Variants in TMTC2 observed in about 807,000 individuals in gnomAD.
TMTC2 encodes transmembrane O-mannosyltransferase targeting cadherins 2, also known as protein O-mannosyl-transferase TMTC2.
A neutral mutation model predicts 82.4 loss-of-function variants in TMTC2; 43 were observed. The ratio of observed to expected loss-of-function variants is 0.52; its 90% CI spans 0.41 to 0.67. The LOEUF (loss-of-function observed/expected upper bound fraction) is 0.67. Ranked by LOEUF, TMTC2 falls within the 30% of genes least tolerant of loss-of-function variation. The pLI is 0.00. For synonymous variants in TMTC2, 408 were observed against 381.9 expected, an observed-to-expected ratio of 1.07 and a Z score of -0.80; for missense variants, 919 against 1,012.4, an observed-to-expected ratio of 0.91 and a Z score of 1.25.
chr12:83,025,612 C>G (rs904005753), intron 8 of TMTC2, among the ~76,000 whole-genome samples: 3 of 152,110 alleles, frequency 2.0e-5, no homozygotes, highest in African/African-American at 7.2e-5. Flanking sequence ...AGAGTTAGTG[C>G]AGACCTCACA....
At chr12:82,899,761 TATATGTGGAATATATATATAAGAATAC>T (rs1873886603) in intron 3 of TMTC2, among the ~76,000 whole-genome samples, 4 of 145,086 alleles carry the variant, frequency 2.8e-5, no homozygotes, top group Admixed American at 7.1e-5. Context: ...TATAAGAATA[TATATGTGGAATATATATATAAGAATAC>T]ATATATAGGA....
chr12:82,810,736 A>T (rs1414963817), intron 1 of TMTC2, among the ~76,000 whole-genome samples: 3 of 152,102 alleles, frequency 2.0e-5, no homozygotes, highest in Admixed American at 2.0e-4. Context: ...AGGTAATTGA[A>T]TCATGGGGCT....
chr12:82,997,198 CCCCTCT>C (rs1420984673), intron 8 of TMTC2, among the ~76,000 whole-genome samples: 10 of 127,396 alleles, frequency 7.8e-5, no homozygotes, highest in Non-Finnish European at 1.5e-4. Flanking sequence ...CCTCTCCCTC[CCCCTCT>C]CCCTCTCTCT....
At chr12:83,064,265 C>T (rs1448589078) in intron 11 of TMTC2, among the ~76,000 whole-genome samples, 1 of 151,838 alleles carries the variant, frequency 6.6e-6, no homozygotes, top group Non-Finnish European at 1.5e-5. Context: ...AGACTTGAGT[C>T]TGATTTGTGA....
intron 11 of TMTC2, among the ~76,000 whole-genome samples, chr12:83,088,318 G>A (rs952212182): frequency 1.3e-5 from 2 of 151,842 alleles, no homozygotes; most frequent in African/African-American, 4.8e-5. Flanking sequence ...TCTTTTTTTT[G>A]TATCAGCAAT....
chr12:83,080,015 ACTAGAAACATGTGCGTG>A, intron 11 of TMTC2, among the ~76,000 whole-genome samples: 1 of 152,166 alleles, frequency 6.6e-6, no homozygotes, highest in African/African-American at 2.4e-5. Flanking sequence ...GGAAAACTTT[ACTAGAAACATGTGCGTG>A]TGCTTAGTTT....
chr12:82,960,395 T>G (rs1353092401), intron 4 of TMTC2, among the ~76,000 whole-genome samples: 1 of 151,944 alleles, frequency 6.6e-6, no homozygotes, highest in African/African-American at 2.4e-5. Flanking sequence ...CTGTTAATGA[T>G]GGACTGGGTA....
intron 4 of TMTC2, among the ~76,000 whole-genome samples, chr12:82,952,443 G>T (rs1877397512): frequency 6.6e-6 from 1 of 151,958 alleles, no homozygotes; most frequent in Non-Finnish European, 1.5e-5. Flanking sequence ...ATTAAATGAA[G>T]TTTTTATTAA....
chr12:83,034,024 G>A (rs111908906), intron 9 of TMTC2, among the ~76,000 whole-genome samples: 1 of 151,436 alleles, frequency 6.6e-6, no homozygotes, highest in Non-Finnish European at 1.5e-5. Flanking sequence ...GCCCTGCTGT[G>A]CACAGTTTTA....
chr12:82,764,176 C>T (rs1876813904), intron 1 of TMTC2, among the ~76,000 whole-genome samples: 1 of 152,046 alleles, frequency 6.6e-6, no homozygotes, highest in African/African-American at 2.4e-5. Flanking sequence ...CTCATTGTGT[C>T]ACTCAGGCTG....
intron 1 of TMTC2, among the ~76,000 whole-genome samples, chr12:82,826,444 A>G (rs533067005): frequency 2.2e-4 from 33 of 152,296 alleles, no homozygotes; most frequent in African/African-American, 7.5e-4. Flanking sequence ...CATGCCTCTG[A>G]AGATTTTTCT....
chr12:82,838,042 T>TA (rs1337310320), intron 1 of TMTC2, among the ~76,000 whole-genome samples: 10 of 152,304 alleles, frequency 6.6e-5, no homozygotes, highest in South Asian at 4.1e-4. Context: ...ATAATGTATA[T>TA]AAAAAATACT....
At chr12:82,797,529 T>C (rs1274193663) in intron 1 of TMTC2, among the ~76,000 whole-genome samples, 4 of 152,144 alleles carry the variant, frequency 2.6e-5, no homozygotes, top group African/African-American at 9.7e-5. Flanking sequence ...TCTTCAAGTA[T>C]CACAACATAT....
At chr12:82,835,111 C>T (rs1869962314) in intron 1 of TMTC2, among the ~76,000 whole-genome samples, 2 of 152,200 alleles carry the variant, frequency 1.3e-5, no homozygotes, top group South Asian at 4.1e-4. Flanking sequence ...GATTCCCTCA[C>T]CTTGGCCTCC....
At chr12:83,114,847 T>A (rs903311066) in intron 11 of TMTC2, among the ~76,000 whole-genome samples, 1 of 151,738 alleles carries the variant, frequency 6.6e-6, no homozygotes, top group Admixed American at 6.6e-5. Flanking sequence ...TATATATATG[T>A]ATATATCTGA....
intron 1 of TMTC2, among the ~76,000 whole-genome samples, chr12:82,725,245 A>G (rs936510773): frequency 2.0e-5 from 3 of 152,108 alleles, no homozygotes; most frequent in Non-Finnish European, 4.4e-5. Flanking sequence ...CTCCAAAAAT[A>G]CCTTGCTAAT....
chr12:83,110,189 A>T (rs954745417), intron 11 of TMTC2, among the ~76,000 whole-genome samples: 13 of 152,166 alleles, frequency 8.5e-5, no homozygotes, highest in Admixed American at 8.5e-4. Context: ...GTTATTCTAG[A>T]TAAATTATTC....
intron 11 of TMTC2, among the ~76,000 whole-genome samples, chr12:83,102,969 A>G (rs898337155): frequency 1.3e-5 from 2 of 152,168 alleles, no homozygotes; most frequent in African/African-American, 4.8e-5. Context: ...TCTCCCCTAG[A>G]TTCTTTCCTC....
chr12:82,985,971 G>C lies in TMTC2; in HGVS notation c.1995G>C (p.Trp665Cys), dbSNP rs1312317412. 6.2e-7 allele frequency: 1 copy of C among 1,614,004 alleles called. No individual in the cohort carries two copies. The highest frequency in any genetic ancestry group is 1.7e-5 in the Admixed American group (1 of 60,020). ...GCAAACTCCCCGAAGCAGAGCATTG[G>C]TATATGGAATCACTGAGATCCAAGA... Reference protein sequence around the residue: ...RLSKLPEAEHWYMESLRSKTD... With the variant: ...RLSKLPEAEHCYMESLRSKTD... The change falls in exon 8 of 12, where the codon TGG becomes TGC. Residue 665 changes from tryptophan to cysteine, a missense_variant. By Grantham distance (215) the Trp-to-Cys change is radical. Transcript: ENST00000321196.
Sources: allele counts gnomAD v4.1 joint callset (sites outside exome capture counted in the v4.1 genomes callset), GRCh38; gene constraint gnomAD v4.1.1; transcripts MANE v1.5; gene names NCBI Gene and HGNC (gene_info 2026-07-23, HGNC 2026-07-21).